The following KAZN variants were observed in gnomAD, a reference collection of about 807,000 sequenced individuals.
The protein encoded by KAZN is kazrin.
KAZN carries 40 observed loss-of-function variants against 87.4 expected under a neutral mutation model. That is an observed-to-expected ratio of 0.46 (90% CI 0.36 to 0.60). The LOEUF is 0.60. Ranked by LOEUF, KAZN falls within the 20% of genes least tolerant of loss-of-function variation. KAZN has a pLI of 0.00. For synonymous variants in KAZN, 466 were observed against 458.3 expected, an observed-to-expected ratio of 1.02 and a Z score of -0.22; for missense variants, 898 against 1,073.9, an observed-to-expected ratio of 0.84 and a Z score of 2.29.
chr1:14,981,130 G>T (rs1373495979), intron 2 of KAZN, among the ~76,000 whole-genome samples: 2 of 152,204 alleles, frequency 1.3e-5, no homozygotes, highest in Non-Finnish European at 1.5e-5. Context: ...CAAGAAGGGA[G>T]GGGAGAGTAG....
intron 1 of KAZN, among the ~76,000 whole-genome samples, chr1:14,892,841 C>T (rs753333970): frequency 5.8e-4 from 89 of 152,154 alleles, no homozygotes; most frequent in Non-Finnish European, 9.0e-4. Context: ...TACCTACACA[C>T]ACACACACAA....
intron 1 of KAZN, among the ~76,000 whole-genome samples, chr1:14,886,034 C>T (rs1402574686): frequency 1.3e-5 from 2 of 152,102 alleles, no homozygotes; most frequent in African/African-American, 4.8e-5. Context: ...CACCCCACAA[C>T]ACCTGCAAAT....
chr1:14,278,737 T>G (rs1652599902), intron 2 of KAZN, among the ~76,000 whole-genome samples: 2 of 152,198 alleles, frequency 1.3e-5, no homozygotes, highest in African/African-American at 4.8e-5. Context: ...ACTTTTTACC[T>G]CTATGGCTTT....
At chr1:14,658,128 A>G (rs1638919053) in intron 1 of KAZN, among the ~76,000 whole-genome samples, 1 of 152,092 alleles carries the variant, frequency 6.6e-6, no homozygotes, top group Non-Finnish European at 1.5e-5. Flanking sequence ...CCTTGAGAGG[A>G]TCTGGAAGGG....
At chr1:14,169,844 T>C (rs1457409286) in intron 1 of KAZN, among the ~76,000 whole-genome samples, 1 of 152,084 alleles carries the variant, frequency 6.6e-6, no homozygotes, top group African/African-American at 2.4e-5. Context: ...GAGAGAAAAG[T>C]GATACCCAAG....
chr1:14,471,739 C>T (rs1262379192), intron 2 of KAZN, among the ~76,000 whole-genome samples: 1 of 152,148 alleles, frequency 6.6e-6, no homozygotes, highest in Non-Finnish European at 1.5e-5. Context: ...TGGGGTTAAC[C>T]CTTAAATAGG....
At chr1:14,747,528 T>G (rs888984258) in intron 1 of KAZN, among the ~76,000 whole-genome samples, 2 of 152,210 alleles carry the variant, frequency 1.3e-5, no homozygotes, top group African/African-American at 4.8e-5. Context: ...GATCCACCCA[T>G]CTGGGCCTCC....
chr1:14,615,478 C>T (rs1263092402), intron 1 of KAZN, among the ~76,000 whole-genome samples: 1 of 152,130 alleles, frequency 6.6e-6, no homozygotes, highest in Non-Finnish European at 1.5e-5. Context: ...AAATACAAAA[C>T]TACCCAGTGT....
At chr1:14,375,206 G>C (rs542542344) in intron 2 of KAZN, among the ~76,000 whole-genome samples, 1 of 152,250 alleles carries the variant, frequency 6.6e-6, no homozygotes, top group African/African-American at 2.4e-5. Flanking sequence ...TCTTTTATTA[G>C]TCACAATAGC....
At chr1:14,931,835 T>G (rs1459156815) in intron 1 of KAZN, among the ~76,000 whole-genome samples, 1 of 152,162 alleles carries the variant, frequency 6.6e-6, no homozygotes, top group Non-Finnish European at 1.5e-5. Flanking sequence ...ACCTTTTCAC[T>G]CCCACCAGTG....
chr1:14,220,826 G>C (rs1269450864), intron 2 of KAZN, among the ~76,000 whole-genome samples: 1 of 152,072 alleles, frequency 6.6e-6, no homozygotes, highest in East Asian at 1.9e-4. Flanking sequence ...ACTTATACTT[G>C]TCAGGTTATT....
chr1:14,734,854 A>G (rs1643845817), intron 1 of KAZN, among the ~76,000 whole-genome samples: 1 of 152,172 alleles, frequency 6.6e-6, no homozygotes, highest in South Asian at 2.1e-4. Flanking sequence ...TGCGTGTCCC[A>G]AGCATCTCAC....
At chr1:14,898,431 G>A (rs1036670362) in intron 1 of KAZN, among the ~76,000 whole-genome samples, 3 of 152,222 alleles carry the variant, frequency 2.0e-5, no homozygotes, top group African/African-American at 4.8e-5. Context: ...CCTGGCTCCA[G>A]AAGGTCAAAT....
intron 1 of KAZN, among the ~76,000 whole-genome samples, chr1:14,000,516 ACT>A (rs1198510230): frequency 6.6e-6 from 1 of 152,158 alleles, no homozygotes; most frequent in African/African-American, 2.4e-5. Context: ...CATGTTAAAA[ACT>A]CTCAATAAAC....
chr1:14,938,542 CAAA>C (rs35014105), intron 1 of KAZN, among the ~76,000 whole-genome samples: 13 of 107,870 alleles, frequency 1.2e-4, no homozygotes, highest in Non-Finnish European at 1.0e-4. Context: ...AACTCCATCT[CAAA>C]AAAAAAAAAA....
intron 1 of KAZN, among the ~76,000 whole-genome samples, chr1:14,045,300 G>A (rs1642018533): frequency 2.0e-5 from 3 of 152,162 alleles, no homozygotes; most frequent in Admixed American, 6.5e-5. Flanking sequence ...TATATACCTG[G>A]AGAGGCATTG....
chr1:14,834,423 A>ATG (rs1647156148), intron 1 of KAZN, among the ~76,000 whole-genome samples: 3 of 137,420 alleles, frequency 2.2e-5, no homozygotes, highest in African/African-American at 8.5e-5. Flanking sequence ...GTGCAGTGGC[A>ATG]TGATCTCGGC....
intron 1 of KAZN, among the ~76,000 whole-genome samples, chr1:14,129,955 C>T (rs770860834): frequency 3.9e-5 from 6 of 152,148 alleles, no homozygotes; most frequent in Non-Finnish European, 8.8e-5. Flanking sequence ...TTTCTGTATG[C>T]AGATAATTGA....
At chr1:14,685,273 T>G (rs1251769552) in intron 1 of KAZN, among the ~76,000 whole-genome samples, 1 of 152,230 alleles carries the variant, frequency 6.6e-6, no homozygotes, top group Non-Finnish European at 1.5e-5. Flanking sequence ...GCTTCAGAGC[T>G]ACACAACCTT....
Sources: allele counts gnomAD v4.1 joint callset (sites outside exome capture counted in the v4.1 genomes callset), GRCh38; gene constraint gnomAD v4.1.1; transcripts MANE v1.5; gene names NCBI Gene and HGNC (gene_info 2026-07-23, HGNC 2026-07-21).